Variants in TTC28 observed in about 807,000 individuals in gnomAD.
TTC28 encodes the protein tetratricopeptide repeat protein 28.
TTC28 carries 61 observed loss-of-function variants against 198.0 expected under a neutral mutation model. That is an observed-to-expected ratio of 0.31 (90% confidence interval 0.25 to 0.38). TTC28 has a LOEUF of 0.38. Among genes scored for constraint, TTC28 ranks in the 10% least tolerant of loss-of-function variants. The pLI is 1.00. For synonymous variants in TTC28, 1,171 were observed against 1,297.8 expected (o/e 0.90, Z 2.10); for missense variants, 2,678 against 3,164.0 (o/e 0.85, Z 3.69).
At position 28,612,168 on chromosome 22, in the gene TTC28, G is replaced by T. The variant is rs531492505; in HGVS notation, c.381+17384C>A. On this transcript the variant is annotated intron_variant, in intron 2 of 22. Transcript: ENST00000397906. ...AAATGGAGAGCAAAAAAAAGCAGGG[G>T]TTGCAATCCTAGTCTCTGATAAAAC... Among the ~76,000 whole-genome samples, 73 of 152,206 alleles carry T rather than the reference G, an allele frequency of 4.8e-4. No individual in the cohort carries two copies. In the South Asian group the frequency reaches 0.015, roughly 31 times the overall value.
chr22:28,451,303 C>A (rs1426314964), intron 2 of TTC28, among the ~76,000 whole-genome samples: 1 of 152,106 alleles, frequency 6.6e-6, no homozygotes, highest in Admixed American at 6.6e-5. Flanking sequence ...GGTAAACTAG[C>A]CCAGACTAAA....
intron 12 of TTC28, among the ~76,000 whole-genome samples, chr22:28,079,464 C>A (rs1446027366): frequency 6.6e-6 from 1 of 152,014 alleles, no homozygotes; most frequent in Non-Finnish European, 1.5e-5. Flanking sequence ...AGAAATTTTT[C>A]ATCTTATAAA....
intron 2 of TTC28, among the ~76,000 whole-genome samples, chr22:28,606,965 T>C (rs2050745457): frequency 6.6e-6 from 1 of 152,144 alleles, no homozygotes; most frequent in Non-Finnish European, 1.5e-5. Context: ...CTGAAGTAAT[T>C]TGAGAAATGG....
chr22:28,602,160 G>A (rs1207593819), intron 2 of TTC28, among the ~76,000 whole-genome samples: 1 of 152,096 alleles, frequency 6.6e-6, no homozygotes, highest in African/African-American at 2.4e-5. Flanking sequence ...GTGGTCAAAG[G>A]TCAAGGCACC....
chr22:28,588,002 C>T (rs1333954248), intron 2 of TTC28, among the ~76,000 whole-genome samples: 2 of 151,498 alleles, frequency 1.3e-5, no homozygotes, highest in African/African-American at 4.8e-5. Context: ...ATTAGCCAGG[C>T]GTGGTGGCAG....
intron 5 of TTC28, among the ~76,000 whole-genome samples, chr22:28,243,037 TAA>T (rs199565183): frequency 0.076 from 10,102 of 132,500 alleles, 487 homozygotes; most frequent in Non-Finnish European, 0.1. Context: ...ATCTAATAAT[TAA>T]AAAAAAAAAA....
At chr22:28,530,740 GT>G (rs1419683049) in intron 2 of TTC28, among the ~76,000 whole-genome samples, 1 of 152,224 alleles carries the variant, frequency 6.6e-6, no homozygotes, top group East Asian at 1.9e-4. Context: ...CCAGAAGAGA[GT>G]GGGGGCCAAT....
chr22:28,185,389 A>T (rs1569700), intron 5 of TTC28, among the ~76,000 whole-genome samples: 12,557 of 152,202 alleles, frequency 0.083, 566 homozygotes, highest in African/African-American at 0.11. Flanking sequence ...AGGAGCTGCT[A>T]TTATGTTTGT....
At chr22:28,176,811 T>C (rs1168807262) in intron 5 of TTC28, among the ~76,000 whole-genome samples, 2 of 152,170 alleles carry the variant, frequency 1.3e-5, no homozygotes, top group Non-Finnish European at 2.9e-5. Context: ...GAAAGGATAG[T>C]CTTTTCAACA....
chr22:28,146,376 A>G (rs563094496), intron 6 of TTC28, among the ~76,000 whole-genome samples: 66 of 152,348 alleles, frequency 4.3e-4, no homozygotes, highest in African/African-American at 1.4e-3. Flanking sequence ...TCCCATGCAC[A>G]GTTGTGTGAG....
rs117478474 is a variant in TTC28, at chr22:28,596,051, A to C, written c.381+33501T>G. Among the ~76,000 whole-genome samples the C allele has an allele frequency of 8.3e-3, 1,264 of 152,322 alleles. 3 individuals carry two copies. The highest frequency in any genetic ancestry group is 0.013 in the Non-Finnish European group (915 of 68,030). ...GGAAAGGCAGATGACCAAAAAACAA[A>C]AACAATCTGATAGTAAAAAGAGCTT... On this transcript the variant is annotated intron_variant, in intron 2 of 22. Coordinates refer to ENST00000397906, the MANE Select transcript of TTC28 (RefSeq NM_001145418.2).
At chr22:28,350,703 G>A (rs1167606436) in intron 2 of TTC28, among the ~76,000 whole-genome samples, 1 of 152,136 alleles carries the variant, frequency 6.6e-6, no homozygotes, top group African/African-American at 2.4e-5. Flanking sequence ...TCACGACAAT[G>A]CAATCAGAAA....
chr22:28,334,525 C>T (rs1224922619), intron 2 of TTC28, among the ~76,000 whole-genome samples: 1 of 152,174 alleles, frequency 6.6e-6, no homozygotes, highest in South Asian at 2.1e-4. Flanking sequence ...TGTTTCCTGA[C>T]TTTTTAATGA....
intron 1 of TTC28, among the ~76,000 whole-genome samples, chr22:28,649,002 A>C (rs2051525272): frequency 6.6e-6 from 1 of 152,226 alleles, no homozygotes; most frequent in Admixed American, 6.5e-5. Flanking sequence ...ACACCATGGA[A>C]TACTACTCAA....
intron 3 of TTC28, among the ~76,000 whole-genome samples, chr22:28,299,428 A>AT (rs1311923763): frequency 2.6e-5 from 4 of 152,226 alleles, no homozygotes; most frequent in African/African-American, 7.2e-5. Context: ...TGCCTAAAGC[A>AT]TTTTTTTCCT....
chr22:28,094,108 C>T lies in TTC28; in HGVS notation c.3904G>A (p.Ala1302Thr), dbSNP rs1231510156. The T allele has an allele frequency of 1.3e-6, 2 of 1,549,900 alleles. No homozygotes were observed. Among genetic ancestry groups the T allele is most frequent in the East Asian group, 4.9e-5 (2 of 40,912 alleles). The change falls in exon 12 of 23, where the codon GCC (alanine) becomes ACC (threonine). Residue 1302 changes from alanine (A) to threonine (T), a missense_variant. Physicochemically the swap from Ala to Thr is moderately conservative, Grantham distance 58 (BLOSUM62 0). This residue lies in a region of TTC28 where 727 missense variants were observed against 861.9 expected (regional missense o/e 0.84). Coordinates refer to ENST00000397906, the MANE Select transcript of TTC28 (RefSeq NM_001145418.2). ...LEQHIASVRE[A>T]LGVESHYSRA... The stretch of plus-strand genomic sequence containing the variant: ...GAGTAGTGAGACTCCACCCCCAGGG[C>T]CTCCCGGACACTGGCAATGTGCTGC...
chr22:28,263,181 T>A (rs1263505288), intron 5 of TTC28, among the ~76,000 whole-genome samples: 1 of 152,156 alleles, frequency 6.6e-6, no homozygotes, highest in East Asian at 1.9e-4. Context: ...TCAATAATAA[T>A]AATGACTAGC....
intron 1 of TTC28, among the ~76,000 whole-genome samples, chr22:28,634,572 C>T (rs1315934075): frequency 2.0e-5 from 3 of 149,854 alleles, no homozygotes; most frequent in Admixed American, 1.3e-4. Flanking sequence ...CATAACTTCC[C>T]AAGTCCTTTT....
intron 5 of TTC28, among the ~76,000 whole-genome samples, chr22:28,194,710 T>C (rs1247694963): frequency 7.0e-6 from 1 of 143,838 alleles, no homozygotes; most frequent in East Asian, 2.0e-4. Context: ...CCTCAACAAA[T>C]ACACCCACCC....
Sources: allele counts gnomAD v4.1 joint callset (sites outside exome capture counted in the v4.1 genomes callset), GRCh38; gene constraint gnomAD v4.1.1; regional missense constraint gnomAD v4.1.1; transcripts MANE v1.5; gene names NCBI Gene and HGNC (gene_info 2026-07-23, HGNC 2026-07-21).